ATP6V1A: variants seen among roughly 807,000 people sequenced by gnomAD.
ATP6V1A encodes the protein V-type proton ATPase catalytic subunit A.
A neutral mutation model predicts 70.1 loss-of-function variants in ATP6V1A; 18 were observed. That is an observed-to-expected ratio of 0.26 (90% CI 0.18 to 0.38). ATP6V1A has a LOEUF of 0.38. Among genes scored for constraint, ATP6V1A ranks in the 10% least tolerant of loss-of-function variants. The pLI is 1.00. For missense variants in ATP6V1A, 424 were observed against 772.4 expected (o/e 0.55, Z 5.35); for synonymous variants, 232 against 253.8 (o/e 0.91, Z 0.82).
At chr3:113,788,398 G>T (rs1709058733) in intron 6 of ATP6V1A, among the ~76,000 whole-genome samples, 1 of 151,472 alleles carries the variant, frequency 6.6e-6, no homozygotes, top group South Asian at 2.1e-4. Context: ...GCAAAGGCGC[G>T]ATCTCGGCTC....
chr3:113,784,389 C>G lies in ATP6V1A; in HGVS notation c.377C>G (p.Ala126Gly), dbSNP rs1709015125. ...ATCCCCAGAGGAGTAAACGTGTCTG[C>G]TCTTAGCAGAGATATCAAATGGGAC... Reference protein sequence around the residue: ...IYIPRGVNVSALSRDIKWDFT... With the variant: ...IYIPRGVNVSGLSRDIKWDFT... The change falls in exon 4 of 15, where the codon GCT (alanine) becomes GGT (glycine). Residue 126 changes from alanine to glycine, a missense_variant. Transcript: ENST00000273398. 2 of 1,614,038 alleles carry G rather than the reference C, an allele frequency of 1.2e-6. No homozygotes were observed. Among genetic ancestry groups the G allele is most frequent in the African/African-American group, 2.7e-5 (2 of 74,926 alleles).
chr3:113,803,102 A>G (rs1393580408), intron 12 of ATP6V1A, among the ~76,000 whole-genome samples: 1 of 152,264 alleles, frequency 6.6e-6, no homozygotes, highest in Non-Finnish European at 1.5e-5. Context: ...AAGAGATCCC[A>G]TCACATGCCT....
chr3:113,766,532 C>G (rs1333498742), intron 1 of ATP6V1A, among the ~76,000 whole-genome samples: 1 of 152,172 alleles, frequency 6.6e-6, no homozygotes, highest in East Asian at 1.9e-4. Context: ...TGGACTCATG[C>G]AATCCTTCTG....
rs564777070 is a variant in ATP6V1A, at chr3:113,761,968, C to A, written c.-14+14855C>A. Among the ~76,000 whole-genome samples, 32 of 120,710 alleles carry A rather than the reference C, an allele frequency of 2.7e-4. 5 individuals carry two copies. Among genetic ancestry groups the A allele is most frequent in the African/African-American group, 9.8e-4 (32 of 32,636 alleles). The allele number at this position is 120,710 out of a possible 152,430, so 79.2% of individuals were successfully genotyped here. A position where few individuals can be genotyped will look rare whatever the true frequency, so the allele number is the denominator to read the frequency against. Reference sequence around the variant, plus strand: ...AGGAGTTCGAGACCAGCCTGACCAACATGTAGAAACCCCAACTCTACTAAA... The same window carrying A: ...AGGAGTTCGAGACCAGCCTGACCAAAATGTAGAAACCCCAACTCTACTAAA... On this transcript the variant is annotated intron_variant, in intron 1 of 14. Transcript: ENST00000273398.
chr3:113,772,420 G>C (rs1289550893), intron 1 of ATP6V1A, among the ~76,000 whole-genome samples: 1 of 152,174 alleles, frequency 6.6e-6, no homozygotes, highest in East Asian at 1.9e-4. Flanking sequence ...AGATTAAAAT[G>C]TAAATATTTT....
intron 3 of ATP6V1A, 40 bp downstream of exon 3, chr3:113,781,218 T>A: frequency 6.4e-7 from 1 of 1,573,918 alleles, no homozygotes; most frequent in Non-Finnish European, 8.6e-7. Flanking sequence ...TTTCTATATT[T>A]CAAAATTTAA....
At chr3:113,754,180 TTTACA>T (rs1458076464) in intron 1 of ATP6V1A, among the ~76,000 whole-genome samples, 4 of 152,308 alleles carry the variant, frequency 2.6e-5, no homozygotes, top group South Asian at 2.1e-4. Flanking sequence ...TTCCTTACAC[TTTACA>T]TTATATGTTT....
rs946926088 is a variant in ATP6V1A, at chr3:113,784,397, A to G, written c.385A>G (p.Arg129Gly). ...AGGAGTAAACGTGTCTGCTCTTAGC[A>G]GAGATATCAAATGGGACTTTACACC... ...PRGVNVSALSRDIKWDFTPCK... is the reference protein window; with the variant it reads ...PRGVNVSALSGDIKWDFTPCK... Residue 129 changes from arginine (R) to glycine (G), a missense_variant, in exon 4 of 15, where the codon AGA becomes GGA. By Grantham distance (125) the Arg-to-Gly change is moderately radical (BLOSUM62 -2). Transcript: ENST00000273398. 1.2e-6 allele frequency: 2 copies of G among 1,614,162 alleles called. No homozygotes were observed. Among genetic ancestry groups the G allele is most frequent in the Non-Finnish European group, 8.5e-7 (1 of 1,179,984 alleles).
At chr3:113,749,921 A>C (rs1320256088) in intron 1 of ATP6V1A, among the ~76,000 whole-genome samples, 2 of 152,238 alleles carry the variant, frequency 1.3e-5, no homozygotes, top group Admixed American at 6.5e-5. Context: ...GACTTTATTA[A>C]TGCTGAGACC....
chr3:113,789,461 T>C (rs1709069401), intron 7 of ATP6V1A, among the ~76,000 whole-genome samples: 1 of 152,270 alleles, frequency 6.6e-6, no homozygotes, highest in Middle Eastern at 3.4e-3. Flanking sequence ...GATGTGAACT[T>C]TATGTGTGAT....
intron 1 of ATP6V1A, among the ~76,000 whole-genome samples, chr3:113,754,077 A>G (rs529686310): frequency 6.6e-6 from 1 of 152,336 alleles, no homozygotes; most frequent in South Asian, 2.1e-4. Flanking sequence ...CAGAATATCC[A>G]TAGTAACATA....
intron 1 of ATP6V1A, among the ~76,000 whole-genome samples, chr3:113,774,917 A>C (rs957104648): frequency 2.0e-5 from 3 of 152,006 alleles, no homozygotes; most frequent in African/African-American, 7.2e-5. Flanking sequence ...TATTTGTACT[A>C]TTTAAAAGAA....
Position 113,780,484 on chromosome 3 carries a change from T to C in ATP6V1A, c.83-566T>C, listed in dbSNP as rs151333198. 6.0e-3 allele frequency among the ~76,000 whole-genome samples: 908 copies of C among 152,338 alleles called. 6 individuals carry two copies. The highest frequency in any genetic ancestry group is 9.3e-3 in the Non-Finnish European group (632 of 68,028). On this transcript the variant is annotated intron_variant, in intron 2 of 14. Coordinates refer to ENST00000273398, the MANE Select transcript of ATP6V1A (RefSeq NM_001690.4). ...ATCCTTACGGCCTATGAAAAAAATT[T>C]TGTAGATGTGTGTGTGAGTTTTTCT...
chr3:113,799,036 T>C (rs1709182819), intron 12 of ATP6V1A, among the ~76,000 whole-genome samples: 1 of 152,224 alleles, frequency 6.6e-6, no homozygotes. Context: ...CATGTATTAC[T>C]ACTTACTATT....
chr3:113,805,555 TA>T, intron 14 of ATP6V1A, 30 bp downstream of exon 14: 1 of 1,567,236 alleles, frequency 6.4e-7, no homozygotes, highest in Non-Finnish European at 8.7e-7. Flanking sequence ...TAACTTTTTT[TA>T]TTTGGAAATG....
chr3:113,808,812 C>A (rs1709308277), intron 14 of ATP6V1A, among the ~76,000 whole-genome samples: 1 of 152,042 alleles, frequency 6.6e-6, no homozygotes, highest in Non-Finnish European at 1.5e-5. Context: ...GGTTATCAGG[C>A]AAAATGCAAA....
At chr3:113,807,412 C>T (rs1032785050) in intron 14 of ATP6V1A, among the ~76,000 whole-genome samples, 4 of 151,920 alleles carry the variant, frequency 2.6e-5, no homozygotes, top group African/African-American at 9.7e-5. Context: ...AACTCCTGAC[C>T]TCAGGTGATC....
intron 13 of ATP6V1A, 95 bp from the exon 14 acceptor site, chr3:113,805,259 A>G (rs1038926937): frequency 8.2e-7 from 1 of 1,223,098 alleles, no homozygotes; most frequent in Non-Finnish European, 1.2e-6. Context: ...CTGCATACTT[A>G]GATAAAGAAA....
intron 1 of ATP6V1A, among the ~76,000 whole-genome samples, chr3:113,766,041 G>A (rs1309431982): frequency 1.3e-5 from 2 of 151,966 alleles, no homozygotes; most frequent in African/African-American, 4.8e-5. Flanking sequence ...CTTCTCCCTT[G>A]TGCTTGCGTT....
Sources: allele counts gnomAD v4.1 joint callset (sites outside exome capture counted in the v4.1 genomes callset), GRCh38; gene constraint gnomAD v4.1.1; transcripts MANE v1.5; gene names NCBI Gene and HGNC (gene_info 2026-07-23, HGNC 2026-07-21).